MGST1: variants seen among roughly 807,000 people sequenced by gnomAD.
MGST1 encodes glutathione S-transferase 12.
A neutral mutation model predicts 8.9 loss-of-function variants in MGST1; 5 were observed. The ratio of observed to expected loss-of-function variants is 0.56; its 90% CI spans 0.29 to 1.19. MGST1 has a LOEUF of 1.19. Among genes scored for constraint, MGST1 ranks in the 50% most tolerant of loss-of-function variants. The pLI is 0.08. For synonymous variants in MGST1, 54 were observed against 67.8 expected, an observed-to-expected ratio of 0.80 and a Z score of 1.00; for missense variants, 182 against 187.4, an observed-to-expected ratio of 0.97 and a Z score of 0.17.
rs1039377288 is a variant in MGST1 at position 16,576,434 on chromosome 12, C to T, written n.483-13094C>T. On this transcript the variant is annotated intron_variant and non_coding_transcript_variant, in intron 4 of 4. Transcript: ENST00000538857. This position sits in a 1 kb window ranked among gnomAD's most constrained non-coding sequence, Gnocchi z 4.1. ...TAAATCTATTCTTCCTGGAAGACTACTGCTGCTTTTTTTTCATATTCAGAT... is the reference window on the plus strand; with the variant it reads ...TAAATCTATTCTTCCTGGAAGACTATTGCTGCTTTTTTTTCATATTCAGAT... Among the ~76,000 whole-genome samples, 1 of 152,186 alleles carries T rather than the reference C, an allele frequency of 6.6e-6. No individual in the cohort carries two copies. Among genetic ancestry groups the T allele is most frequent in the Non-Finnish European group, 1.5e-5 (1 of 68,028 alleles).
rs1763451018 is a variant in MGST1, at chr12:16,587,571, C to A, written n.483-1957C>A. Among the ~76,000 whole-genome samples the A allele has an allele frequency of 6.6e-6, 1 of 152,020 alleles. No homozygotes were observed. Among genetic ancestry groups the A allele is most frequent in the African/African-American group, 2.4e-5 (1 of 41,402 alleles). ...TAATAGTAGCCTACATGGTTGACTACCCTTGGTGTTAAATTTTCTTAAATT... is the reference window on the plus strand; with the variant it reads ...TAATAGTAGCCTACATGGTTGACTAACCTTGGTGTTAAATTTTCTTAAATT... On this transcript the variant is annotated intron_variant and non_coding_transcript_variant, in intron 4 of 4. Coordinates refer to the MGST1 transcript ENST00000538857. The surrounding 1 kb of genome is among the most constrained non-coding windows in gnomAD (Gnocchi z 4.3).
chr12:16,399,714 A>C, intron 1 of MGST1: 1 of 1,240,546 alleles, frequency 8.1e-7, no homozygotes, highest in Non-Finnish European at 1.2e-6. Flanking sequence ...AATGGTCTTT[A>C]TTGCTTTAGT....
At chr12:16,495,616 C>T (rs1012210586) in intron 4 of MGST1, among the ~76,000 whole-genome samples, 7 of 151,564 alleles carry the variant, frequency 4.6e-5, no homozygotes, top group Admixed American at 3.3e-4. Context: ...ATTTTCCAAC[C>T]GGAAAATGAC....
intron 1 of MGST1, among the ~76,000 whole-genome samples, chr12:16,398,321 A>G (rs149020878): frequency 7.2e-5 from 11 of 152,304 alleles, no homozygotes; most frequent in East Asian, 5.8e-4. Context: ...AAGCTGTTCA[A>G]CAGAAACTGT....
intron 4 of MGST1, among the ~76,000 whole-genome samples, chr12:16,488,973 G>T (rs565533871): frequency 6.6e-6 from 1 of 152,056 alleles, no homozygotes; most frequent in Non-Finnish European, 1.5e-5. Context: ...TTATCTGTGA[G>T]TGGTGGCATG....
At chr12:16,456,998 G>T (rs941141236) in intron 4 of MGST1, among the ~76,000 whole-genome samples, 2 of 151,900 alleles carry the variant, frequency 1.3e-5, no homozygotes, top group Non-Finnish European at 2.9e-5. Context: ...ATGCACGCGT[G>T]TCCTAAACCT....
In MGST1 at chr12:16,559,531, C is replaced by T. The variant is rs1474727662; in HGVS notation, n.483-29997C>T. On this transcript the variant is annotated intron_variant and non_coding_transcript_variant, in intron 4 of 4. Transcript: ENST00000538857. The surrounding 1 kb of genome is among the most constrained non-coding windows in gnomAD (Gnocchi z 4.1). ...TTAGGTTTCCAGGTTCCCTGTTCAA[C>T]ACTTTTTCAAATGCTCCTCTCCAAT... 1.3e-5 allele frequency among the ~76,000 whole-genome samples: 2 copies of T among 152,174 alleles called. No homozygotes were observed. The highest frequency in any genetic ancestry group is 4.8e-5 in the African/African-American group (2 of 41,440).
chr12:16,359,908 G>A (rs1175691967), intron 3 of MGST1, among the ~76,000 whole-genome samples: 1 of 152,140 alleles, frequency 6.6e-6, no homozygotes, highest in Non-Finnish European at 1.5e-5. Flanking sequence ...TATTCTTTCC[G>A]ACCTTCCACC....
rs1591757093 is a variant in MGST1, at chr12:16,547,668, C to A, written n.483-41860C>A. ...TAAACTAATGACTATTAAATCTCTG[C>A]TTTCTATTACCTTAAATTACATTAA... On this transcript the variant is annotated intron_variant and non_coding_transcript_variant, in intron 4 of 4. Transcript: ENST00000538857. This position sits in a 1 kb window ranked among gnomAD's most constrained non-coding sequence, Gnocchi z 4.6. 6.6e-6 allele frequency among the ~76,000 whole-genome samples: 1 copy of A among 152,238 alleles called. No individual in the cohort carries two copies. The highest frequency in any genetic ancestry group is 1.5e-5 in the Non-Finnish European group (1 of 67,988).
chr12:16,364,541 T>G, downstream of MGST1: 1 of 320,538 alleles, frequency 3.1e-6, no homozygotes, highest in Non-Finnish European at 4.5e-6. This position sits in a 1 kb window ranked among gnomAD's most constrained non-coding sequence, Gnocchi z 5.7. Flanking sequence ...TTTGCATATT[T>G]GCTTTCCTTC....
intron 1 of MGST1, among the ~76,000 whole-genome samples, chr12:16,411,362 T>C (rs989606586): frequency 6.6e-6 from 1 of 152,204 alleles, no homozygotes; most frequent in Non-Finnish European, 1.5e-5. Flanking sequence ...GTACGTTATA[T>C]GGTGAAATCC....
At chr12:16,364,912 G>A (rs9332947), downstream of MGST1, among the ~76,000 whole-genome samples, 15,275 of 152,018 alleles carry the variant, frequency 0.1, 813 homozygotes, top group East Asian at 0.16. This position sits in a 1 kb window ranked among gnomAD's most constrained non-coding sequence, Gnocchi z 5.7. Context: ...GAAGAGTATA[G>A]ACAAGTTGTT....
At position 16,357,628 on chromosome 12, in the gene MGST1, T is replaced by C. The variant is rs746757474; in HGVS notation, c.150T>C (p.Cys50=). The change falls in exon 3 of 4, where the codon TGT becomes TGC. Residue 50 remains cysteine, a synonymous_variant. Transcript: ENST00000396210. The stretch of plus-strand genomic sequence containing the variant: ...AGGTTTTTGCCAATCCAGAAGACTG[T>C]GTAGCATTTGGCAAAGGAGAAAATG... ...TRKVFANPED[C]VAFGKGENAK... The C allele has an allele frequency of 1.2e-6, 2 of 1,613,898 alleles. No individual in the cohort carries two copies. The highest frequency in any genetic ancestry group is 3.3e-5 in the Admixed American group (2 of 59,974).
intron 1 of MGST1, among the ~76,000 whole-genome samples, chr12:16,391,196 G>C (rs1398623505): frequency 6.6e-6 from 1 of 150,570 alleles, no homozygotes; most frequent in Non-Finnish European, 1.5e-5. Flanking sequence ...AGAACGAGCA[G>C]GTTTGTTATG....
chr12:16,357,322 C>CA (rs1384943361), intron 2 of MGST1, among the ~76,000 whole-genome samples: 2 of 152,088 alleles, frequency 1.3e-5, no homozygotes, highest in Non-Finnish European at 2.9e-5. Flanking sequence ...TGTAGTGGTG[C>CA]AATCACAGCT....
chr12:16,394,530 C>CTTTA (rs1252125167), intron 1 of MGST1, among the ~76,000 whole-genome samples: 2 of 34,482 alleles, frequency 5.8e-5, no homozygotes, highest in Admixed American at 5.3e-4. Context: ...TTCTTTCTTT[C>CTTTA]TTTCTTTCTT....
chr12:16,479,521 A>C (rs1472400955), intron 4 of MGST1, among the ~76,000 whole-genome samples: 1 of 139,974 alleles, frequency 7.1e-6, no homozygotes, highest in Non-Finnish European at 1.5e-5. Context: ...GGCGTGAGCC[A>C]CTGCGCCCGG....
chr12:16,501,840 A>G (rs1941507596), intron 4 of MGST1, among the ~76,000 whole-genome samples: 1 of 152,184 alleles, frequency 6.6e-6, no homozygotes, highest in Non-Finnish European at 1.5e-5. Context: ...ACTCATATTT[A>G]TCATTACTTT....
chr12:16,356,346 G>T (rs1448718989), intron 2 of MGST1, among the ~76,000 whole-genome samples: 3 of 151,960 alleles, frequency 2.0e-5, no homozygotes, highest in Non-Finnish European at 1.5e-5. Context: ...TGTACATCTA[G>T]TGTGTGCCAG....
Sources: allele counts gnomAD v4.1 joint callset (sites outside exome capture counted in the v4.1 genomes callset), GRCh38; gene constraint gnomAD v4.1.1; non-coding constraint Gnocchi (gnomAD v3.1); transcripts MANE v1.5; gene names NCBI Gene and HGNC (gene_info 2026-07-23, HGNC 2026-07-21).